Variants in PLTP observed in about 807,000 individuals in gnomAD.
PLTP encodes the protein phospholipid transfer protein, also known as BPI fold containing family E.
Under a neutral mutation model 54.1 loss-of-function variants are expected in PLTP, and 43 were observed. The ratio of observed to expected loss-of-function variants is 0.79; its 90% CI spans 0.62 to 1.02. PLTP has a LOEUF of 1.02. Ranked by LOEUF, PLTP falls within the 50% of genes least tolerant of loss-of-function variation. The pLI is 0.00. For missense variants in PLTP, 604 were observed against 645.9 expected (o/e 0.94, Z 0.70); for synonymous variants, 263 against 264.6 (o/e 0.99, Z 0.06).
Position 45,899,008 on chromosome 20 carries a change from A to G in PLTP, c.1415T>C (p.Ile472Thr), listed in dbSNP as rs147664819. 6.2e-5 allele frequency: 100 copies of G among 1,614,032 alleles called. No homozygotes were observed. Among genetic ancestry groups the G allele is most frequent in the Middle Eastern group, 3.3e-4 (2 of 6,084 alleles). The change falls in exon 16 of 16, where the codon ATT (isoleucine) becomes ACT (threonine). Residue 472 changes from isoleucine to threonine, a missense_variant. Transcript: ENST00000372431. ...LHFAKGLREV[I>T]EKNRPADVRA... ...GACATCAGCAGGCCGGTTCTTCTCA[A>G]TCACCTCTCGCAGCCCTTTGGCAAA...
chr20:45,908,476 C>T (rs568942591), intron 5 of PLTP, among the ~76,000 whole-genome samples: 138 of 152,196 alleles, frequency 9.1e-4, no homozygotes, highest in Admixed American at 4.3e-3. Flanking sequence ...TCTTCCAGAA[C>T]AAGAACAATA....
intron 3 of PLTP, 150 bp downstream of exon 3, chr20:45,911,002 G>GC: frequency 6.4e-7 from 1 of 1,555,858 alleles, no homozygotes; most frequent in Non-Finnish European, 8.7e-7. Flanking sequence ...TATCTTTTCG[G>GC]CCCCATCCGG....
At chr20:45,910,667 C>A (rs1231039335) in intron 3 of PLTP, among the ~76,000 whole-genome samples, 1 of 151,756 alleles carries the variant, frequency 6.6e-6, no homozygotes, top group Non-Finnish European at 1.5e-5. Context: ...CCCTCCCACA[C>A]CCTGGGGTTG....
In PLTP at chr20:45,911,384, C is replaced by G. The variant is rs2083290876; in HGVS notation, c.69G>C (p.Lys23Asn). 4 of 1,611,532 alleles carry G rather than the reference C, an allele frequency of 2.5e-6. No individual in the cohort carries two copies. The highest frequency in any genetic ancestry group is 3.4e-6 in the Non-Finnish European group (4 of 1,180,024). The stretch of plus-strand genomic sequence containing the variant: ...CCAGCGCCTTGGAGGTGACGCGGAT[C>G]TTGCAGCCTGGGAACTCTGCATGTG... ...AGAHAEFPGC[K>N]IRVTSKALEL... Residue 23 changes from lysine (K) to asparagine (N), a missense_variant, in exon 2 of 16, where the codon AAG (lysine) becomes AAC (asparagine). Physicochemically the swap from Lys to Asn is moderately conservative, Grantham distance 94 (BLOSUM62 0). Transcript: ENST00000372431.
chr20:45,906,166 G>A, intron 8 of PLTP, 102 bp downstream of exon 8: 1 of 783,760 alleles, frequency 1.3e-6, no homozygotes, highest in Non-Finnish European at 2.3e-6. Context: ...AATGGGAGTG[G>A]CCTCATCAGA....
Position 45,907,794 on chromosome 20 carries a change from G to A in PLTP, c.550-39C>T, listed in dbSNP as rs766165499. Reference sequence around the variant, plus strand: ...GCCAGAGTCAGGGCCTTCTCAAAGTGAGAGCATGCCCACCCTTGCCACCCT... The same window carrying A: ...GCCAGAGTCAGGGCCTTCTCAAAGTAAGAGCATGCCCACCCTTGCCACCCT... On this transcript the variant is annotated intron_variant, in intron 6 of 15. Transcript: ENST00000372431. 6.2e-6 allele frequency: 10 copies of A among 1,610,286 alleles called. No homozygotes were observed. The East Asian group carries it at 6.7e-5, about 11-fold the overall frequency.
intron 5 of PLTP, 80 bp downstream of exon 5, chr20:45,909,436 G>T: frequency 6.7e-7 from 1 of 1,499,022 alleles, no homozygotes; most frequent in Non-Finnish European, 9.3e-7. Flanking sequence ...TGATTCCCAG[G>T]CCTATGCACT....
intron 15 of PLTP, 73 bp downstream of exon 15, chr20:45,899,389 G>T: frequency 6.7e-7 from 1 of 1,494,866 alleles, no homozygotes; most frequent in Non-Finnish European, 9.3e-7. Flanking sequence ...CTGGGGTCAG[G>T]TAATGGAGGG....
chr20:45,899,540 T>C lies in PLTP; in HGVS notation c.1283-2A>G. The C allele has an allele frequency of 6.2e-7, 1 of 1,614,194 alleles. No individual in the cohort carries two copies. Among genetic ancestry groups the C allele is most frequent in the Non-Finnish European group, 8.5e-7 (1 of 1,180,026 alleles). On this transcript the variant is annotated splice_acceptor_variant, in intron 14 of 15. Transcript: ENST00000372431. LOFTEE classifies it high-confidence loss of function. Reference sequence around the variant, plus strand: ...TCTGCACCCCACGCCAGGTCCGCTCTGTGGGTGGGAGCACCCCGCTCAGTC... The same window carrying C: ...TCTGCACCCCACGCCAGGTCCGCTCCGTGGGTGGGAGCACCCCGCTCAGTC...
At chr20:45,900,831 C>T (rs1027090757) in intron 12 of PLTP, among the ~76,000 whole-genome samples, 9 of 152,106 alleles carry the variant, frequency 5.9e-5, no homozygotes, top group African/African-American at 2.2e-4. Flanking sequence ...ACCCAGCCAA[C>T]GTGTTTAAAA....
intron 3 of PLTP, 180 bp downstream of exon 3, chr20:45,910,970 CTA>C: frequency 1.3e-6 from 2 of 1,489,080 alleles, no homozygotes; most frequent in South Asian, 2.7e-5. Flanking sequence ...CTGGTCCCGC[CTA>C]TGATGACTGG....
In PLTP at chr20:45,902,755, C is replaced by T. The variant is rs906933003; in HGVS notation, c.943-151G>A. 2.7e-5 allele frequency: 20 copies of T among 732,620 alleles called. No individual in the cohort carries two copies. In the Admixed American group the frequency reaches 2.9e-4, roughly 11 times the overall value. The allele number at this position is 732,620 out of a possible 1,614,324, so 45.4% of individuals were successfully genotyped here. ...GGAGCTCTGGCTTCCAAAACTCTCA[C>T]ATCTGCATCTAGCCTTCATGCCTTT... On this transcript the variant is annotated intron_variant, in intron 10 of 15. Transcript: ENST00000372431.
chr20:45,905,414 A>G (rs763720621), intron 8 of PLTP, among the ~76,000 whole-genome samples: 4 of 152,204 alleles, frequency 2.6e-5, no homozygotes, highest in Non-Finnish European at 5.9e-5. Flanking sequence ...GTTTACATAT[A>G]TTGTGCATAC....
intron 1 of PLTP, 134 bp from the exon 2 acceptor site, chr20:45,911,597 T>G (rs992656766): frequency 3.5e-5 from 43 of 1,237,044 alleles, no homozygotes; most frequent in Non-Finnish European, 4.9e-5. Flanking sequence ...ACCAATAATC[T>G]TGCCTCCATA....
chr20:45,906,221 G>A (rs935103928), intron 8 of PLTP, 47 bp downstream of exon 8: 2 of 1,287,198 alleles, frequency 1.6e-6, no homozygotes, highest in Non-Finnish European at 1.1e-6. Context: ...CAGAGAAAGA[G>A]GTCTTGTTAG....
At position 45,902,608 on chromosome 20, in the gene PLTP, G is replaced by A. The variant is rs2083198054; in HGVS notation, c.943-4C>T. On this transcript the variant is annotated splice_polypyrimidine_tract_variant and splice_region_variant and intron_variant, in intron 10 of 15. Coordinates refer to ENST00000372431, the MANE Select transcript of PLTP (RefSeq NM_006227.4). ...GGGAGTCAATCACTGCTGGGCTCTG[G>A]GGGATGAGCAGCAGGGGCGGGTCAA... is the stretch of plus-strand genomic sequence containing the variant. The A allele has an allele frequency of 6.2e-7, 1 of 1,601,084 alleles. No individual in the cohort carries two copies. The highest frequency in any genetic ancestry group is 1.3e-5 in the African/African-American group (1 of 74,678).
At chr20:45,906,125 T>G in intron 8 of PLTP, 143 bp downstream of exon 8, 1 of 716,006 alleles carries the variant, frequency 1.4e-6, no homozygotes, top group Non-Finnish European at 2.6e-6. Context: ...AACCTAATTC[T>G]GTAGTAACAG....
At chr20:45,902,147 C>T (rs1361354853) in intron 12 of PLTP, 120 bp downstream of exon 12, 1 of 1,099,412 alleles carries the variant, frequency 9.1e-7, no homozygotes, top group Non-Finnish European at 1.4e-6. Flanking sequence ...CATGCATTAA[C>T]AAAGACAGAC....
rs141035863 is a variant in PLTP at position 45,905,092 on chromosome 20, C to G, written c.732G>C (p.Arg244Ser). ...CTGCCCGGTTGGGGAGGCTCCAGTT[C>G]CTCTCAGTCAGGGGGAAGAAGGCCC... is the stretch of plus-strand genomic sequence containing the variant. ...FRGAFFPLTE[R>S]NWSLPNRAVE... The change falls in exon 9 of 16, where the codon AGG (arginine) becomes AGC (serine). Residue 244 changes from arginine (R) to serine (S), a missense_variant. Arg to Ser is a moderately radical substitution (Grantham distance 110). Transcript: ENST00000372431. 6.2e-7 allele frequency: 1 copy of G among 1,614,182 alleles called. No homozygotes were observed. Among genetic ancestry groups the G allele is most frequent in the East Asian group, 2.2e-5 (1 of 44,882 alleles).
Sources: allele counts gnomAD v4.1 joint callset (sites outside exome capture counted in the v4.1 genomes callset), GRCh38; gene constraint gnomAD v4.1.1; transcripts MANE v1.5; gene names NCBI Gene and HGNC (gene_info 2026-07-23, HGNC 2026-07-21).